The following MICU1 variants were observed in gnomAD, a reference collection of about 807,000 sequenced individuals.
MICU1 encodes the protein calcium uptake protein 1, mitochondrial.
A neutral mutation model predicts 56.8 loss-of-function variants in MICU1; 45 were observed. That is an observed-to-expected ratio of 0.79 (90% CI 0.62 to 1.02). MICU1 has a LOEUF of 1.02. Among genes scored for constraint, MICU1 ranks in the 50% least tolerant of loss-of-function variants. MICU1 has a pLI of 0.00. For synonymous variants in MICU1, 186 were observed against 195.1 expected, an observed-to-expected ratio of 0.95 and a Z score of 0.39; for missense variants, 504 against 587.1, an observed-to-expected ratio of 0.86 and a Z score of 1.46.
chr10:72,572,025 A>C (rs1385228644), intron 1 of MICU1, among the ~76,000 whole-genome samples: 5 of 151,904 alleles, frequency 3.3e-5, no homozygotes, highest in Admixed American at 2.0e-4. Context: ...AAAAAAAAAA[A>C]CAAACACTAA....
intron 10 of MICU1, among the ~76,000 whole-genome samples, chr10:72,384,734 C>T (rs949730871): frequency 2.0e-5 from 3 of 152,144 alleles, no homozygotes; most frequent in African/African-American, 4.8e-5. Context: ...ACATTTATTT[C>T]AGAATTTGAG....
chr10:72,566,450 A>ATTGCC (rs1406701195), intron 2 of MICU1, among the ~76,000 whole-genome samples, 183 bp downstream of exon 2: 5 of 152,202 alleles, frequency 3.3e-5, no homozygotes, highest in Non-Finnish European at 7.3e-5. Flanking sequence ...TTTCCTAAGT[A>ATTGCC]TTGCCTTAGC....
chr10:72,574,611 G>A (rs1030923049), intron 1 of MICU1, among the ~76,000 whole-genome samples: 1 of 152,108 alleles, frequency 6.6e-6, no homozygotes, highest in Non-Finnish European at 1.5e-5. Flanking sequence ...AGGTTTTTGT[G>A]TGGCACAAGC....
chr10:72,465,837 C>T (rs1286977606), intron 8 of MICU1, among the ~76,000 whole-genome samples: 1 of 152,052 alleles, frequency 6.6e-6, no homozygotes, highest in Non-Finnish European at 1.5e-5. Context: ...TTCACTCCTA[C>T]ATTTAAAGCC....
intron 4 of MICU1, among the ~76,000 whole-genome samples, chr10:72,541,784 T>C (rs1374332129): frequency 6.6e-6 from 1 of 152,204 alleles, no homozygotes; most frequent in African/African-American, 2.4e-5. Context: ...ATCTGTGCAG[T>C]GGGCAACAAG....
Position 72,523,328 on chromosome 10 carries a change from G to A in MICU1, c.537+10418C>T, listed in dbSNP as rs114894810. 3.2e-3 allele frequency among the ~76,000 whole-genome samples: 486 copies of A among 152,262 alleles called. 4 individuals carry two copies. The highest frequency in any genetic ancestry group is 0.011 in the African/African-American group (456 of 41,542). On this transcript the variant is annotated intron_variant, in intron 5 of 11. Transcript: ENST00000361114. ...GTACTCTGTATGATGTTTGTGCCAT[G>A]GCTGTTCTAAAATAGAATTCCCAGG...
At chr10:72,586,018 T>TTC (rs1554893359) in intron 1 of MICU1, among the ~76,000 whole-genome samples, 1 of 130,854 alleles carries the variant, frequency 7.6e-6, no homozygotes, top group African/African-American at 2.8e-5. Context: ...TTTTTCTTTT[T>TTC]TTTTTTTTTT....
In MICU1 at chr10:72,475,290, C is replaced by T. The variant is rs777827647; in HGVS notation, c.743G>A (p.Ser248Asn). The T allele has an allele frequency of 1.9e-6, 3 of 1,601,264 alleles. No individual in the cohort carries two copies. Among genetic ancestry groups the T allele is most frequent in the Non-Finnish European group, 1.7e-6 (2 of 1,173,214 alleles). ...CATACTGGTTTGGGAGCGAATGATG[C>T]TCTGAACCTAATACAGAATCAAACC... ...VDMEEFEQVQ[S>N]IIRSQTSMGM... The change falls in exon 8 of 12, where the codon AGC becomes AAC. Residue 248 changes from serine (S) to asparagine (N), a missense_variant. Coordinates refer to ENST00000361114, the MANE Select transcript of MICU1 (RefSeq NM_001195518.2).
chr10:72,367,847 T>G lies in MICU1; in HGVS notation c.*348A>C. 2 of 217,382 alleles carry G rather than the reference T, an allele frequency of 9.2e-6. No individual in the cohort carries two copies. The highest frequency in any genetic ancestry group is 1.8e-5 in the Non-Finnish European group (2 of 109,308). 13.5% of individuals were successfully genotyped at this position (217,382 alleles called of 1,614,324 possible). The stretch of plus-strand genomic sequence containing the variant: ...TAGTATAAATCCATAGCAAAAACGA[T>G]TTGAGAACTGGATGCTTCCCAGGGT... On this transcript the variant is annotated 3_prime_UTR_variant, in exon 12 of 12. Coordinates refer to ENST00000361114, the MANE Select transcript of MICU1 (RefSeq NM_001195518.2).
chr10:72,405,117 G>A (rs563397482), intron 10 of MICU1, among the ~76,000 whole-genome samples: 3 of 151,916 alleles, frequency 2.0e-5, no homozygotes, highest in Admixed American at 6.6e-5. Context: ...CCATGTTGGC[G>A]AGGCTGGTCT....
intron 5 of MICU1, among the ~76,000 whole-genome samples, chr10:72,515,680 A>G (rs1343375367): frequency 1.3e-5 from 2 of 152,196 alleles, no homozygotes; most frequent in Non-Finnish European, 2.9e-5. Context: ...TGCTAATCCC[A>G]TCTCTGCAGA....
At chr10:72,499,101 T>C (rs1231274517) in intron 6 of MICU1, among the ~76,000 whole-genome samples, 1 of 152,094 alleles carries the variant, frequency 6.6e-6, no homozygotes, top group African/African-American at 2.4e-5. Flanking sequence ...GGGTAAAAAA[T>C]TATAAAATCG....
At chr10:72,499,893 C>A (rs986752796) in intron 6 of MICU1, among the ~76,000 whole-genome samples, 2 of 152,148 alleles carry the variant, frequency 1.3e-5, no homozygotes, top group Non-Finnish European at 2.9e-5. Context: ...CTGCTCTTGA[C>A]TTCAGCATGG....
intron 3 of MICU1, among the ~76,000 whole-genome samples, chr10:72,555,872 T>G (rs1004636930): frequency 3.3e-5 from 5 of 152,180 alleles, no homozygotes; most frequent in Non-Finnish European, 7.3e-5. Context: ...CTCTTTCTAT[T>G]GTTAAAAGGG....
intron 3 of MICU1, among the ~76,000 whole-genome samples, chr10:72,557,976 G>A (rs1419691114): frequency 2.0e-5 from 3 of 152,068 alleles, no homozygotes; most frequent in Non-Finnish European, 4.4e-5. Context: ...ACAACAAATT[G>A]AACTAAATAA....
chr10:72,449,806 T>C (rs952091367), intron 8 of MICU1, among the ~76,000 whole-genome samples: 18 of 152,110 alleles, frequency 1.2e-4, no homozygotes, highest in Admixed American at 2.0e-4. Flanking sequence ...AACATGGCTT[T>C]TAGGAGTTCC....
At chr10:72,412,173 T>C (rs192287821) in intron 9 of MICU1, among the ~76,000 whole-genome samples, 24 of 152,140 alleles carry the variant, frequency 1.6e-4, no homozygotes, top group African/African-American at 5.8e-4. Context: ...AGAGGGCTAT[T>C]AGAAAAAAGC....
intron 8 of MICU1, chr10:72,467,835 T>G (rs76158729): frequency 6.7e-6 from 1 of 149,904 alleles, no homozygotes; most frequent in African/African-American, 2.5e-5. Flanking sequence ...TTTTTTTTTT[T>G]GAGACAGAGT....
chr10:72,536,093 T>A (rs945767683), intron 4 of MICU1, among the ~76,000 whole-genome samples: 1 of 152,072 alleles, frequency 6.6e-6, no homozygotes, highest in African/African-American at 2.4e-5. Flanking sequence ...AAAGATTTGT[T>A]AAAGGATACA....
Sources: gnomAD v4.1 joint callset for allele counts (sites outside exome capture counted in the v4.1 genomes callset) on GRCh38, gnomAD v4.1.1 for gene constraint, MANE v1.5 for transcripts, NCBI Gene and HGNC (gene_info 2026-07-23, HGNC 2026-07-21) for gene names.